The following FGGY variants were observed in gnomAD, a reference collection of about 807,000 sequenced individuals.
FGGY encodes FGGY carbohydrate kinase domain-containing protein.
In FGGY, 72 loss-of-function variants were observed where a neutral mutation model predicts 71.3. The ratio of observed to expected loss-of-function variants is 1.01; its 90% CI spans 0.84 to 1.23. The LOEUF is 1.23. Ranked by LOEUF, FGGY falls within the 50% of genes most tolerant of loss-of-function variation. FGGY has a pLI of 0.00. For synonymous variants in FGGY, 251 were observed against 250.3 expected (o/e 1.00, Z -0.02); for missense variants, 668 against 682.3 (o/e 0.98, Z 0.23).
chr1:59,455,069 T>A (rs1214141943), intron 5 of FGGY, among the ~76,000 whole-genome samples: 1 of 152,238 alleles, frequency 6.6e-6, no homozygotes, highest in Non-Finnish European at 1.5e-5. Context: ...CAGTCAGTGT[T>A]CATTGTGGCT....
Position 59,588,547 on chromosome 1 carries a change from G to A in FGGY, c.904-19256G>A, listed in dbSNP as rs568606415. ...TTAAGGGCAGCCAGAGAGAAAGGGC[G>A]GGTTACCCACAAAGGGAAGCCCATC... On this transcript the variant is annotated intron_variant, in intron 8 of 15. Transcript: ENST00000303721. 1.5e-4 allele frequency among the ~76,000 whole-genome samples: 23 copies of A among 152,214 alleles called. No homozygotes were observed. The East Asian group carries it at 2.3e-3, about 15-fold the overall frequency.
intron 5 of FGGY, among the ~76,000 whole-genome samples, chr1:59,398,266 G>A (rs189548977): frequency 6.6e-6 from 1 of 151,708 alleles, no homozygotes; most frequent in African/African-American, 2.4e-5. Flanking sequence ...TTTGAGACAT[G>A]GTTTCACTCA....
At position 59,679,963 on chromosome 1, in the gene FGGY, T is replaced by C. The variant is rs558970226; in HGVS notation, c.1512+5830T>C. Among the ~76,000 whole-genome samples, 3 of 152,198 alleles carry C rather than the reference T, an allele frequency of 2.0e-5. No homozygotes were observed. In the South Asian group the frequency reaches 6.2e-4, roughly 31 times the overall value. ...CTAAATTATCTCTATAAAATAAAAT[T>C]AGAGGCATATAATTGTTCAGGCAAA... On this transcript the variant is annotated intron_variant, in intron 14 of 15. Transcript: ENST00000303721.
At chr1:59,435,154 T>G (rs2068161800) in intron 5 of FGGY, among the ~76,000 whole-genome samples, 1 of 152,188 alleles carries the variant, frequency 6.6e-6, no homozygotes, top group South Asian at 2.1e-4. Context: ...CAACTTGTAT[T>G]TAATCCTCAC....
rs770718573 is a variant in FGGY, at chr1:59,667,423, G to T, written c.1417+20G>T. On this transcript the variant is annotated intron_variant, in intron 13 of 15. Transcript: ENST00000303721. Reference sequence around the variant, plus strand: ...TTACTGGTAAGTCTGGGAAAGAGGAGAGAAGGTCACTTTTTGGCTTGGCAG... The same window carrying T: ...TTACTGGTAAGTCTGGGAAAGAGGATAGAAGGTCACTTTTTGGCTTGGCAG... The T allele has an allele frequency of 6.2e-7, 1 of 1,612,060 alleles. No homozygotes were observed. The highest frequency in any genetic ancestry group is 1.7e-5 in the Admixed American group (1 of 59,768).
At chr1:59,645,956 C>T (rs548268285) in intron 11 of FGGY, among the ~76,000 whole-genome samples, 2 of 152,356 alleles carry the variant, frequency 1.3e-5, no homozygotes, top group South Asian at 4.1e-4. Context: ...GCTGCTCCAA[C>T]AACTCTTCAA....
intron 5 of FGGY, among the ~76,000 whole-genome samples, chr1:59,421,753 G>A (rs1389068399): frequency 3.9e-5 from 6 of 152,196 alleles, no homozygotes; most frequent in African/African-American, 1.4e-4. Flanking sequence ...TATTGTAGAT[G>A]TTTAGGGCAT....
chr1:59,402,112 A>T (rs548265381), intron 5 of FGGY, among the ~76,000 whole-genome samples: 1 of 152,328 alleles, frequency 6.6e-6, no homozygotes, highest in African/African-American at 2.4e-5. Flanking sequence ...AATGAGTTGG[A>T]TATGTAGGGG....
At chr1:59,545,519 G>A (rs2095507191) in intron 7 of FGGY, among the ~76,000 whole-genome samples, 1 of 152,194 alleles carries the variant, frequency 6.6e-6, no homozygotes, top group South Asian at 2.1e-4. Flanking sequence ...TAGAGGCTGT[G>A]TTGAAGTTAG....
intron 9 of FGGY, among the ~76,000 whole-genome samples, chr1:59,611,266 T>C (rs2096674514): frequency 6.6e-6 from 1 of 152,048 alleles, no homozygotes; most frequent in African/African-American, 2.4e-5. Flanking sequence ...CACCTCCCAG[T>C]AGGGGCCGAC....
intron 5 of FGGY, among the ~76,000 whole-genome samples, chr1:59,385,695 G>A (rs566150273): frequency 5.5e-4 from 84 of 152,062 alleles, no homozygotes; most frequent in African/African-American, 1.6e-3. Context: ...AGAAAAAGTC[G>A]TACAAAATAG....
At chr1:59,749,209 C>G (rs562753301) in intron 14 of FGGY, among the ~76,000 whole-genome samples, 68 of 152,260 alleles carry the variant, frequency 4.5e-4, no homozygotes, top group African/African-American at 1.5e-3. Context: ...TTATAATAAA[C>G]TGGTAATAGT....
chr1:59,627,768 C>T (rs1044528459), intron 10 of FGGY, among the ~76,000 whole-genome samples: 1 of 151,938 alleles, frequency 6.6e-6, no homozygotes, highest in Non-Finnish European at 1.5e-5. Flanking sequence ...AAAAGTTACT[C>T]AACAAGGAAT....
chr1:59,394,177 C>G (rs924747434), intron 5 of FGGY, among the ~76,000 whole-genome samples: 4 of 152,194 alleles, frequency 2.6e-5, no homozygotes, highest in Non-Finnish European at 5.9e-5. Context: ...CTTCATTAAT[C>G]CAGCCCTGCA....
intron 11 of FGGY, among the ~76,000 whole-genome samples, chr1:59,649,084 G>C (rs371438455): frequency 6.6e-6 from 1 of 151,962 alleles, no homozygotes; most frequent in Non-Finnish European, 1.5e-5. Context: ...ATTTCTGAGG[G>C]CTCTGTTCTG....
At chr1:59,377,224 A>G (rs1174100454) in intron 4 of FGGY, among the ~76,000 whole-genome samples, 2 of 152,102 alleles carry the variant, frequency 1.3e-5, no homozygotes, top group African/African-American at 4.8e-5. Context: ...TCAGTCTGTC[A>G]GGAAAGAAAG....
At chr1:59,735,041 A>C (rs1160535523) in intron 14 of FGGY, among the ~76,000 whole-genome samples, 1 of 152,224 alleles carries the variant, frequency 6.6e-6, no homozygotes, top group East Asian at 1.9e-4. Context: ...AAAACCTTAA[A>C]AGAATTTTTG....
intron 9 of FGGY, among the ~76,000 whole-genome samples, chr1:59,611,205 G>T (rs903074454): frequency 6.6e-6 from 1 of 152,230 alleles, no homozygotes; most frequent in African/African-American, 2.4e-5. Context: ...AGAATGGACA[G>T]ACTGCCTCCT....
intron 4 of FGGY, among the ~76,000 whole-genome samples, 174 bp from the exon 5 acceptor site, chr1:59,378,575 C>T (rs898403048): frequency 1.5e-4 from 23 of 152,230 alleles, no homozygotes; most frequent in Non-Finnish European, 2.5e-4. Flanking sequence ...GTCAGTTTTT[C>T]TTTCCTGTAT....
Sources: gnomAD v4.1 joint callset for allele counts (sites outside exome capture counted in the v4.1 genomes callset) on GRCh38, gnomAD v4.1.1 for gene constraint, MANE v1.5 for transcripts, NCBI Gene and HGNC (gene_info 2026-07-23, HGNC 2026-07-21) for gene names.